Variants in CDKN2A observed in about 807,000 individuals in gnomAD.
The protein encoded by CDKN2A is cyclin-dependent kinase inhibitor 2A.
CDKN2A carries 3 observed loss-of-function variants against 11.1 expected under a neutral mutation model. The ratio of observed to expected loss-of-function variants is 0.27; its 90% CI spans 0.12 to 0.70. The LOEUF is 0.70. CDKN2A is among the 30% of genes least tolerant of loss of function. CDKN2A has a pLI of 0.77. For missense variants in CDKN2A, 265 were observed against 233.6 expected (o/e 1.13, Z -0.88); for synonymous variants, 122 against 108.1 (o/e 1.13, Z -0.80).
At chr9:21,983,512 G>A (rs1181992306) in intron 2 of CDKN2A, among the ~76,000 whole-genome samples, 2 of 152,012 alleles carry the variant, frequency 1.3e-5, no homozygotes, top group African/African-American at 4.8e-5. Flanking sequence ...TGTCCCTGTT[G>A]TCAGATATTT....
At position 21,991,984 on chromosome 9, in the gene CDKN2A, C is replaced by G; in HGVS notation, c.-4+1898G>C. On this transcript the variant is annotated intron_variant, in intron 2 of 3. Transcript: ENST00000494262. The surrounding 1 kb of genome is among the most constrained non-coding windows in gnomAD (Gnocchi z 5.2). ...ATTTAACTTCATAATAAAAATATGA[C>G]TATTTTGTAAATGCACCAAGGTAGA... is the stretch of plus-strand genomic sequence containing the variant. 7.1e-6 allele frequency: 7 copies of G among 983,470 alleles called. No homozygotes were observed. The highest frequency in any genetic ancestry group is 8.5e-6 in the Non-Finnish European group (7 of 828,190). The allele number at this position is 983,470 out of a possible 1,614,324, so 60.9% of individuals were successfully genotyped here.
chr9:21,993,603 C>A (rs1820491383), intron 2 of CDKN2A, among the ~76,000 whole-genome samples: 2 of 152,178 alleles, frequency 1.3e-5, no homozygotes, highest in African/African-American at 4.8e-5. Context: ...ACTGATCCTA[C>A]GATCCTTGTT....
intron 2 of CDKN2A, chr9:21,969,669 C>A: frequency 7.5e-6 from 3 of 398,292 alleles, no homozygotes; most frequent in Non-Finnish European, 8.9e-6. Flanking sequence ...GCTCCTCAGG[C>A]TTTTTGCTCA....
rs894177704 is a variant in CDKN2A at position 21,971,840 on chromosome 9, A to C, written c.151-632T>G. ...CAATGGGGAATTATTAAGTCAAGCT[A>C]AGTAACCTATCCATCATCTCAAATA... is the stretch of plus-strand genomic sequence containing the variant. On this transcript the variant is annotated intron_variant, in intron 1 of 2. Coordinates refer to ENST00000304494, the MANE Select transcript of CDKN2A (RefSeq NM_000077.5). 2.6e-5 allele frequency among the ~76,000 whole-genome samples: 4 copies of C among 152,154 alleles called. No individual in the cohort carries two copies. In the South Asian group the frequency reaches 8.3e-4, roughly 31 times the overall value.
intron 2 of CDKN2A, among the ~76,000 whole-genome samples, chr9:21,985,321 T>C (rs1163751077): frequency 4.6e-5 from 7 of 151,952 alleles, no homozygotes; most frequent in Non-Finnish European, 8.8e-5. Flanking sequence ...CTCTTTGATA[T>C]CCTACTTCTA....
intron 2 of CDKN2A, chr9:21,970,550 G>A: frequency 1.9e-6 from 1 of 537,358 alleles, no homozygotes; most frequent in Non-Finnish European, 3.3e-6. Flanking sequence ...GATGCAACTG[G>A]CCCTAGTTTG....
At position 21,971,031 on chromosome 9, in the gene CDKN2A, A is replaced by C. The variant is rs747717236; in HGVS notation, c.328T>G (p.Trp110Gly). 1 of 1,606,490 alleles carries C rather than the reference A, an allele frequency of 6.2e-7. No individual in the cohort carries two copies. Reference sequence around the variant, plus strand: ...GCCAGGTCCACGGGCAGACGGCCCCAGGCATCGCGCACGTCCAGCCGCGCC... The same window carrying C: ...GCCAGGTCCACGGGCAGACGGCCCCCGGCATCGCGCACGTCCAGCCGCGCC... ...AGARLDVRDAWGRLPVDLAEE... is the reference protein window; with the variant it reads ...AGARLDVRDAGGRLPVDLAEE... Residue 110 changes from tryptophan (W) to glycine (G), a missense_variant, in exon 2 of 3, where the codon TGG becomes GGG. Physicochemically the swap from Trp to Gly is radical, Grantham distance 184. Coordinates refer to ENST00000304494, the MANE Select transcript of CDKN2A (RefSeq NM_000077.5).
At chr9:21,989,931 TAAGCC>T (rs1210821389) in intron 2 of CDKN2A, 1 of 152,306 alleles carries the variant, frequency 6.6e-6, no homozygotes, top group African/African-American at 2.4e-5. Context: ...AGCTGCCAGT[TAAGCC>T]TCTGGGATCC....
intron 2 of CDKN2A, among the ~76,000 whole-genome samples, chr9:21,993,388 G>C (rs1022636698): frequency 1.3e-5 from 2 of 152,088 alleles, no homozygotes; most frequent in Admixed American, 1.3e-4. Context: ...GCTAACTGTC[G>C]TCTGAGATGA....
upstream of CDKN2A, among the ~76,000 whole-genome samples, chr9:21,977,661 C>T (rs1424237017): frequency 6.6e-6 from 1 of 152,126 alleles, no homozygotes; most frequent in Non-Finnish European, 1.5e-5. Context: ...CCATCGTGCC[C>T]GGCCTACAGT....
chr9:21,994,113 C>T, intron 1 of CDKN2A: 1 of 1,597,454 alleles, frequency 6.3e-7, no homozygotes, highest in South Asian at 1.1e-5. Context: ...CGAATGCGCC[C>T]CGGACTTTTC....
chr9:21,993,646 G>GT (rs1820493097), intron 2 of CDKN2A, among the ~76,000 whole-genome samples: 1 of 152,116 alleles, frequency 6.6e-6, no homozygotes, highest in South Asian at 2.1e-4. Context: ...TGCGTGCCCC[G>GT]TATCTCACGG....
At chr9:21,992,129 C>G in intron 2 of CDKN2A, 2 of 825,522 alleles carry the variant, frequency 2.4e-6, no homozygotes, top group Non-Finnish European at 2.9e-6. Flanking sequence ...AACATATTTG[C>G]AGAAACTTAA....
At chr9:21,969,035 C>T (rs1366511305) in intron 2 of CDKN2A, among the ~76,000 whole-genome samples, 2 of 152,196 alleles carry the variant, frequency 1.3e-5, no homozygotes, top group African/African-American at 2.4e-5. Context: ...GCTTCTCCTC[C>T]TATTCACACT....
Position 21,986,229 on chromosome 9 carries a change from G to A in CDKN2A, c.-4+7653C>T, listed in dbSNP as rs760589291. On this transcript the variant is annotated intron_variant, in intron 2 of 3. Coordinates refer to the CDKN2A transcript ENST00000494262. ...AATCTTTCAACTGCACGCTTCAAGT[G>A]GTTCCTGTGCTGGTGAATAGGTATC... Among the ~76,000 whole-genome samples, 93 of 152,140 alleles carry A rather than the reference G, an allele frequency of 6.1e-4. 1 individual carries two copies. Among genetic ancestry groups the A allele is most frequent in the South Asian group, 4.1e-4 (2 of 4,830 alleles).
intron 2 of CDKN2A, chr9:21,993,841 GTGTGTC>G: frequency 2.2e-6 from 1 of 453,630 alleles, no homozygotes. Context: ...GTGTGTGTGT[GTGTGTC>G]TTAGTCATTC....
chr9:21,973,323 A>T (rs1819868092), intron 1 of CDKN2A, among the ~76,000 whole-genome samples: 1 of 152,238 alleles, frequency 6.6e-6, no homozygotes, highest in African/African-American at 2.4e-5. Context: ...TGAATTTAGT[A>T]CTTTAAAATG....
At position 21,968,280 on chromosome 9, in the gene CDKN2A, G is replaced by A. The variant is rs965106581; in HGVS notation, c.458-38C>T. On this transcript the variant is annotated intron_variant, in intron 2 of 2. Transcript: ENST00000304494. The surrounding 1 kb of genome is among the most constrained non-coding windows in gnomAD (Gnocchi z 4.7). ...GAAAGAAAACAGGCGTTAGAAACCT[G>A]AGGTCAAAGATGTGTGGCACATCCC... 6.2e-7 allele frequency: 1 copy of A among 1,612,088 alleles called. No homozygotes were observed.
At chr9:21,975,187 C>A (rs904012710), upstream of CDKN2A, 65 of 1,128,512 alleles carry the variant, frequency 5.8e-5, no homozygotes, top group Admixed American at 3.0e-4. Flanking sequence ...ACCTGCCCCC[C>A]ACACCGCCCT....
Sources: allele counts gnomAD v4.1 joint callset (sites outside exome capture counted in the v4.1 genomes callset), GRCh38; gene constraint gnomAD v4.1.1; non-coding constraint Gnocchi (gnomAD v3.1); transcripts MANE v1.5; gene names NCBI Gene and HGNC (gene_info 2026-07-23, HGNC 2026-07-21).